CELF2: variants seen among roughly 807,000 people sequenced by gnomAD.
CELF2 encodes the protein CUGBP Elav-like family member 2, also known as CUG triplet repeat RNA-binding protein 2.
A neutral mutation model predicts 62.6 loss-of-function variants in CELF2; 8 were observed. The observed-to-expected ratio is 0.13, with a 90% CI of 0.07 to 0.23. The LOEUF is 0.23. Among genes scored for constraint, CELF2 ranks in the 10% least tolerant of loss-of-function variants. The pLI, the probability that CELF2 is intolerant of heterozygous loss-of-function variation, is 1.00. For missense variants in CELF2, 333 were observed against 671.0 expected (o/e 0.50, Z 5.56); for synonymous variants, 258 against 250.0 (o/e 1.03, Z -0.30).
chr10:10,718,576 A>G, the CELF2 span, among the ~76,000 whole-genome samples: 2 of 149,290 alleles, frequency 1.3e-5, no homozygotes, highest in Non-Finnish European at 3.0e-5. Flanking sequence ...GTGGGCCAAG[A>G]TCGCGCCACT....
In CELF2 at chr10:10,974,578, A is replaced by G. The variant is rs1023443596; in HGVS notation, c.89+54579A>G. 5.9e-5 allele frequency among the ~76,000 whole-genome samples: 9 copies of G among 152,382 alleles called. No individual in the cohort carries two copies. In the South Asian group the frequency reaches 1.9e-3, roughly 32 times the overall value. ...GTCATGCACTGACTCTGCCGGGATT[A>G]GAATTTCAGGTTTTAAACAGCCTAG... is the stretch of plus-strand genomic sequence containing the variant. On this transcript the variant is annotated intron_variant, in intron 2 of 13. Coordinates refer to the CELF2 transcript ENST00000636488.
At chr10:10,697,358 G>A in the CELF2 span, among the ~76,000 whole-genome samples, 7 of 152,160 alleles carry the variant, frequency 4.6e-5, no homozygotes, top group African/African-American at 1.7e-4. Context: ...TGTCAATAAG[G>A]AGGGCCCCAG....
the CELF2 span, among the ~76,000 whole-genome samples, chr10:10,616,719 T>TGAGA: frequency 7.4e-4 from 41 of 55,252 alleles, no homozygotes; most frequent in South Asian, 1.6e-3. Context: ...TGTGTGTGTG[T>TGAGA]GAGAGAGAGA....
rs377708711 is a variant in CELF2, at chr10:10,971,033, C to T, written c.89+51034C>T. Among the ~76,000 whole-genome samples, 14 of 152,224 alleles carry T rather than the reference C, an allele frequency of 9.2e-5. No homozygotes were observed. In the East Asian group the frequency reaches 1.2e-3, roughly 13 times the overall value. On this transcript the variant is annotated intron_variant, in intron 2 of 13. Transcript: ENST00000636488. The stretch of plus-strand genomic sequence containing the variant: ...CTAAAAGTGAAAAGTGCTAGAATTC[C>T]GATCCTAAAAGTTGTTTTTTGGGTG...
chr10:11,208,698 T>C (rs2061039033), intron 2 of CELF2, among the ~76,000 whole-genome samples: 1 of 152,162 alleles, frequency 6.6e-6, no homozygotes, highest in African/African-American at 2.4e-5. Context: ...TATTTTTAAG[T>C]TTTATGGCTG....
intron 9 of CELF2, among the ~76,000 whole-genome samples, chr10:11,310,869 C>T (rs2094526570): frequency 6.6e-6 from 1 of 151,376 alleles, no homozygotes; most frequent in South Asian, 2.1e-4. Context: ...TTAATGACAT[C>T]AATAACTACT....
At chr10:10,945,135 A>G (rs1264024685) in intron 2 of CELF2, among the ~76,000 whole-genome samples, 1 of 152,224 alleles carries the variant, frequency 6.6e-6, no homozygotes, top group Non-Finnish European at 1.5e-5. Context: ...AGTCTTAGAC[A>G]TTCAGCCTAA....
intron 2 of CELF2, among the ~76,000 whole-genome samples, chr10:10,932,694 G>GTA (rs1554886894): frequency 2.7e-5 from 4 of 149,712 alleles, no homozygotes; most frequent in South Asian, 2.1e-4. Flanking sequence ...GTGTGTGTGT[G>GTA]TATATATATA....
At chr10:11,179,771 T>A (rs187201325) in intron 2 of CELF2, among the ~76,000 whole-genome samples, 1 of 152,276 alleles carries the variant, frequency 6.6e-6, no homozygotes, top group Non-Finnish European at 1.5e-5. Flanking sequence ...GGCTCTGTGA[T>A]CCTATAAAGG....
chr10:10,785,513 A>G, the CELF2 span, among the ~76,000 whole-genome samples: 2 of 152,310 alleles, frequency 1.3e-5, no homozygotes, highest in East Asian at 3.9e-4. Flanking sequence ...AAAATGTGAT[A>G]TATATATACA....
intron 1 of CELF2, among the ~76,000 whole-genome samples, chr10:11,044,710 A>C (rs747878685): frequency 6.6e-6 from 1 of 152,292 alleles, no homozygotes; most frequent in East Asian, 1.9e-4. Context: ...ATACCCTAGG[A>C]TATACTATTG....
intron 2 of CELF2, among the ~76,000 whole-genome samples, chr10:10,968,077 C>T (rs901378396): frequency 1.3e-5 from 2 of 152,076 alleles, no homozygotes; most frequent in African/African-American, 2.4e-5. Context: ...GAAGGAGCAA[C>T]AGGAACTGTC....
chr10:10,701,502 T>C, the CELF2 span, among the ~76,000 whole-genome samples: 1 of 152,382 alleles, frequency 6.6e-6, no homozygotes, highest in East Asian at 1.9e-4. Context: ...TACAATGCTG[T>C]CACAGCGTCC....
At chr10:10,718,788 T>A in the CELF2 span, among the ~76,000 whole-genome samples, 1 of 152,108 alleles carries the variant, frequency 6.6e-6, no homozygotes, top group Non-Finnish European at 1.5e-5. Context: ...AGGTTTCCTA[T>A]AAATGGTAAG....
At chr10:10,968,664 A>G (rs1432553091) in intron 2 of CELF2, among the ~76,000 whole-genome samples, 5 of 152,082 alleles carry the variant, frequency 3.3e-5, no homozygotes, top group African/African-American at 1.2e-4. Flanking sequence ...CTGTGTTCTT[A>G]TGGGCTTAAA....
the CELF2 span, among the ~76,000 whole-genome samples, chr10:10,751,746 A>G: frequency 6.6e-6 from 1 of 152,224 alleles, no homozygotes; most frequent in Admixed American, 6.5e-5. Flanking sequence ...TTTGGGAAAA[A>G]AAATAAGATT....
rs1428686738 is a variant in CELF2, at chr10:10,931,939, G to A, written c.89+11940G>A. ...GCAAGAGAACTTGTGCAGGGGAACTGCCCTTTATAAAACCATCACATCTCA... is the reference window on the plus strand; with the variant it reads ...GCAAGAGAACTTGTGCAGGGGAACTACCCTTTATAAAACCATCACATCTCA... On this transcript the variant is annotated intron_variant, in intron 2 of 13. Coordinates refer to the CELF2 transcript ENST00000636488. The surrounding 1 kb of genome is among the most constrained non-coding windows in gnomAD (Gnocchi z 6.1). Among the ~76,000 whole-genome samples the A allele has an allele frequency of 6.6e-6, 1 of 152,106 alleles. No homozygotes were observed.
chr10:10,935,997 CAA>C (rs776115220), intron 2 of CELF2, among the ~76,000 whole-genome samples: 7 of 129,788 alleles, frequency 5.4e-5, no homozygotes, highest in Non-Finnish European at 3.4e-5. Context: ...ACTAAAAATA[CAA>C]AAAAAAAAAA....
chr10:10,616,397 G>A, the CELF2 span, among the ~76,000 whole-genome samples: 151,788 of 151,788 alleles, frequency 1, 75,894 homozygotes, highest in Non-Finnish European at 1. Context: ...CTCCTGTTAT[G>A]GAAAGAATTC....
Sources: gnomAD v4.1 joint callset for allele counts (sites outside exome capture counted in the v4.1 genomes callset) on GRCh38, gnomAD v4.1.1 for gene constraint, Gnocchi (gnomAD v3.1) non-coding constraint, MANE v1.5 for transcripts, NCBI Gene and HGNC (gene_info 2026-07-23, HGNC 2026-07-21) for gene names.